ODR4: variants seen among roughly 807,000 people sequenced by gnomAD.
ODR4 encodes the protein protein odr-4 homolog.
ODR4 carries 47 observed loss-of-function variants against 60.2 expected under a neutral mutation model. That is an observed-to-expected ratio of 0.78 (90% confidence interval 0.62 to 1.00). ODR4 has a LOEUF of 1.00. ODR4 is among the 50% of genes least tolerant of loss of function. The pLI is 0.00. For missense variants in ODR4, 488 were observed against 530.8 expected, an observed-to-expected ratio of 0.92 and a Z score of 0.79; for synonymous variants, 178 against 175.5, an observed-to-expected ratio of 1.01 and a Z score of -0.11.
chr1:186,398,318 G>A lies in ODR4; in HGVS notation c.786G>A (p.Leu262=), dbSNP rs747518060. The change falls in exon 10 of 14, where the codon CTG becomes CTA. Residue 262 remains leucine, a synonymous_variant. Coordinates refer to ENST00000287859, the MANE Select transcript of ODR4 (RefSeq NM_017847.6). The part of the protein sequence containing the change: ...FDVRVLTQLL[L]NSDHRSTATV... ...AAACAGATTTTGTCTTTCAGCTCCT[G>A]AATTCAGACCACAGATCCACAGCCA... The A allele has an allele frequency of 1.3e-6, 2 of 1,584,154 alleles. No homozygotes were observed. The highest frequency in any genetic ancestry group is 1.8e-5 in the Admixed American group (1 of 55,498).
the ODR4 span, among the ~76,000 whole-genome samples, chr1:186,432,522 A>G: frequency 6.6e-6 from 1 of 152,046 alleles, no homozygotes; most frequent in South Asian, 2.1e-4. Context: ...GGGGGGTAAT[A>G]TTTTGTTAAC....
chr1:186,417,248 C>T (rs1661609272), intron 12 of ODR4: 3 of 291,392 alleles, frequency 1.0e-5, no homozygotes, highest in Non-Finnish European at 1.9e-5. Flanking sequence ...CAGGCGTCAG[C>T]CACCATGCCT....
At chr1:186,421,861 C>CAAA (rs781496268), downstream of ODR4, among the ~76,000 whole-genome samples, 5 of 29,284 alleles carry the variant, frequency 1.7e-4, no homozygotes, top group Admixed American at 6.9e-4. Flanking sequence ...GACTCTATCT[C>CAAA]AAAAAAAAAA....
intron 2 of ODR4, among the ~76,000 whole-genome samples, chr1:186,381,657 G>A (rs902473597): frequency 1.2e-4 from 18 of 152,180 alleles, no homozygotes; most frequent in East Asian, 7.7e-4. Context: ...TTTTTATGCT[G>A]TAGTATGTAT....
chr1:186,388,002 TATC>T (rs1329683474), intron 4 of ODR4, among the ~76,000 whole-genome samples: 3 of 152,226 alleles, frequency 2.0e-5, no homozygotes, highest in African/African-American at 7.2e-5. Flanking sequence ...TAAAATCACT[TATC>T]ATTTCTCATT....
At chr1:186,416,682 A>G (rs1341361767) in intron 12 of ODR4, among the ~76,000 whole-genome samples, 2 of 151,146 alleles carry the variant, frequency 1.3e-5, no homozygotes, top group Admixed American at 6.6e-5. Flanking sequence ...AAATAAATAA[A>G]TTAAATTAAA....
chr1:186,409,682 A>T (rs911884468), intron 12 of ODR4, among the ~76,000 whole-genome samples: 1 of 152,154 alleles, frequency 6.6e-6, no homozygotes, highest in South Asian at 2.1e-4. Context: ...AGTAGCTGGG[A>T]TTACAGGTGC....
intron 12 of ODR4, among the ~76,000 whole-genome samples, chr1:186,410,179 A>T (rs1661320312): frequency 6.6e-6 from 1 of 152,200 alleles, no homozygotes; most frequent in African/African-American, 2.4e-5. Flanking sequence ...CATTTATTTC[A>T]TACTTGAGAA....
chr1:186,426,918 A>C, the ODR4 span, among the ~76,000 whole-genome samples: 1 of 152,206 alleles, frequency 6.6e-6, no homozygotes, highest in African/African-American at 2.4e-5. Context: ...TAAGTGCACA[A>C]TAGCAGTATG....
At chr1:186,429,535 A>G in the ODR4 span, among the ~76,000 whole-genome samples, 6 of 152,322 alleles carry the variant, frequency 3.9e-5, no homozygotes, top group African/African-American at 1.2e-4. Flanking sequence ...ACAAAAAAAA[A>G]TCCACATATG....
intron 12 of ODR4, among the ~76,000 whole-genome samples, chr1:186,413,999 G>A (rs1661464017): frequency 6.6e-6 from 1 of 152,086 alleles, no homozygotes; most frequent in African/African-American, 2.4e-5. Flanking sequence ...TGGTTTTAAG[G>A]AATGGTTGAG....
intron 3 of ODR4, among the ~76,000 whole-genome samples, chr1:186,383,763 AAAAT>A (rs1660136545): frequency 6.6e-6 from 1 of 151,418 alleles, no homozygotes; most frequent in African/African-American, 2.4e-5. Context: ...ATTTAAAAAA[AAAAT>A]AAAATCTTGC....
At chr1:186,405,664 GC>G (rs1661144685) in intron 11 of ODR4, among the ~76,000 whole-genome samples, 1 of 152,098 alleles carries the variant, frequency 6.6e-6, no homozygotes, top group Non-Finnish European at 1.5e-5. Context: ...AAATCCTCCT[GC>G]CTCAGCCTCC....
At chr1:186,408,938 T>C (rs982291035) in intron 12 of ODR4, among the ~76,000 whole-genome samples, 5 of 152,122 alleles carry the variant, frequency 3.3e-5, no homozygotes, top group African/African-American at 1.2e-4. Context: ...TCATGTTGTA[T>C]GTTAAACACA....
At chr1:186,414,657 C>G (rs1398174020) in intron 12 of ODR4, among the ~76,000 whole-genome samples, 2 of 151,780 alleles carry the variant, frequency 1.3e-5, no homozygotes, top group Non-Finnish European at 2.9e-5. Context: ...GTAGCTGGGA[C>G]TACAGGTGCC....
intron 2 of ODR4, among the ~76,000 whole-genome samples, chr1:186,381,179 G>A (rs3766699): frequency 0.14 from 21,358 of 152,184 alleles, 1,602 homozygotes; most frequent in Non-Finnish European, 0.16. Flanking sequence ...TTTAAGAGAA[G>A]AAGAGTCTTA....
intron 7 of ODR4, 96 bp downstream of exon 7, chr1:186,390,947 A>C: frequency 8.0e-7 from 1 of 1,244,414 alleles, no homozygotes; most frequent in Non-Finnish European, 1.1e-6. Context: ...ATCCTCAAAA[A>C]TTACATTCTG....
chr1:186,402,184 C>CTTTCTTTCTTT (rs1370647325), intron 11 of ODR4, among the ~76,000 whole-genome samples: 6 of 36,554 alleles, frequency 1.6e-4, no homozygotes, highest in Non-Finnish European at 4.1e-4. Context: ...TTATAGGCAT[C>CTTTCTTTCTTT]CTATTCTTTC....
chr1:186,399,287 C>T (rs1324285994), intron 11 of ODR4: 2 of 492,146 alleles, frequency 4.1e-6, no homozygotes, highest in Non-Finnish European at 7.6e-6. Flanking sequence ...TCACCTGCAG[C>T]CTCAGCCTCT....
Sources: allele counts gnomAD v4.1 joint callset (sites outside exome capture counted in the v4.1 genomes callset), GRCh38; gene constraint gnomAD v4.1.1; transcripts MANE v1.5; gene names NCBI Gene and HGNC (gene_info 2026-07-23, HGNC 2026-07-21).